AGO3: variants seen among roughly 807,000 people sequenced by gnomAD.
The protein encoded by AGO3 is argonaute RISC catalytic component 3.
In AGO3, 16 loss-of-function variants were observed where a neutral mutation model predicts 105.5. The ratio of observed to expected loss-of-function variants is 0.15; its 90% confidence interval spans 0.10 to 0.23. The LOEUF (loss-of-function observed/expected upper bound fraction) is 0.23, where lower values mean the gene tolerates loss of function less well. AGO3 is among the 10% of genes least tolerant of loss of function. The probability of loss-of-function intolerance (pLI) is 1.00; values close to 1 mark genes in which losing one functional copy is unlikely to be tolerated. For missense variants in AGO3, 534 were observed against 1,088.0 expected, an observed-to-expected ratio of 0.49 and a Z score of 7.16; for synonymous variants, 340 against 367.3, an observed-to-expected ratio of 0.93 and a Z score of 0.85.
chr1:36,038,551 G>A (rs1253651500), intron 14 of AGO3, among the ~76,000 whole-genome samples: 4 of 152,136 alleles, frequency 2.6e-5, no homozygotes, highest in African/African-American at 7.2e-5. Context: ...TACCGTGCCC[G>A]GCCTGGATTT....
intron 14 of AGO3, 97 bp downstream of exon 14, chr1:36,036,364 A>T: frequency 8.6e-7 from 1 of 1,167,186 alleles, no homozygotes; most frequent in Non-Finnish European, 1.3e-6. Context: ...TTTGTAGCCA[A>T]CTTTCATAAA....
At chr1:35,979,251 CT>C (rs1647006716) in intron 5 of AGO3, among the ~76,000 whole-genome samples, 1 of 152,014 alleles carries the variant, frequency 6.6e-6, no homozygotes, top group African/African-American at 2.4e-5. Context: ...GTAGTCCCAG[CT>C]ACTTGGGAGG....
chr1:36,019,065 G>T (rs1454487788), intron 11 of AGO3, among the ~76,000 whole-genome samples: 2 of 152,066 alleles, frequency 1.3e-5, no homozygotes, highest in African/African-American at 2.4e-5. Flanking sequence ...CTGCAGTGTG[G>T]GTGACAAGGG....
At chr1:35,971,613 A>T (rs576116993) in intron 3 of AGO3, among the ~76,000 whole-genome samples, 6 of 151,918 alleles carry the variant, frequency 3.9e-5, no homozygotes, top group Admixed American at 3.9e-4. Context: ...TTTCTGGTTC[A>T]TGCTTCCTGT....
intron 12 of AGO3, among the ~76,000 whole-genome samples, chr1:36,031,049 C>A (rs1186278329): frequency 6.6e-6 from 1 of 152,184 alleles, no homozygotes; most frequent in African/African-American, 2.4e-5. Context: ...CTACCCAATA[C>A]ACTGTTGCTA....
At chr1:35,997,408 A>G (rs904825039) in intron 5 of AGO3, among the ~76,000 whole-genome samples, 1 of 152,226 alleles carries the variant, frequency 6.6e-6, no homozygotes, top group Non-Finnish European at 1.5e-5. Context: ...GTATGTCTTC[A>G]GTAGAAATTG....
chr1:35,952,683 C>T (rs1166242809), intron 2 of AGO3, among the ~76,000 whole-genome samples: 7 of 152,084 alleles, frequency 4.6e-5, no homozygotes, highest in Non-Finnish European at 7.4e-5. Context: ...CAGTTGCCTA[C>T]AGTATTCAGT....
At chr1:36,041,316 G>A (rs1288419749) in intron 16 of AGO3, among the ~76,000 whole-genome samples, 2 of 136,162 alleles carry the variant, frequency 1.5e-5, no homozygotes, top group South Asian at 2.3e-4. Flanking sequence ...ATCTCAGCTC[G>A]CTGCAAGCTC....
At position 36,044,174 on chromosome 1, in the gene AGO3, G is replaced by A. The variant is rs139506627; in HGVS notation, c.2274+626G>A. Reference sequence around the variant, plus strand: ...AGCCTGGGCAACATAGAGAAACCCCGTCTCTACAAAAAATATAAAAATTAG... The same window carrying A: ...AGCCTGGGCAACATAGAGAAACCCCATCTCTACAAAAAATATAAAAATTAG... On this transcript the variant is annotated intron_variant, in intron 17 of 18. Transcript: ENST00000373191. Among the ~76,000 whole-genome samples the A allele has an allele frequency of 8.2e-3, 1,250 of 152,022 alleles. 12 individuals carry two copies. The highest frequency in any genetic ancestry group is 0.028 in the African/African-American group (1,173 of 41,468).
At position 36,059,973 on chromosome 1, in the gene AGO3, C is replaced by G. The variant is rs1416526771; in HGVS notation, c.*4228C>G. 6.6e-6 allele frequency: 1 copy of G among 152,098 alleles called. No homozygotes were observed. The highest frequency in any genetic ancestry group is 1.5e-5 in the Non-Finnish European group (1 of 68,014). The allele number at this position is 152,098 out of a possible 1,614,324, so 9.4% of individuals were successfully genotyped here. Reference sequence around the variant, plus strand: ...CACATTTCAACAGAAATATTAGATTCCCTTTCTTTTTCTTAATAGTGATCT... The same window carrying G: ...CACATTTCAACAGAAATATTAGATTGCCTTTCTTTTTCTTAATAGTGATCT... On this transcript the variant is annotated 3_prime_UTR_variant, in exon 19 of 19. Coordinates refer to ENST00000373191, the MANE Select transcript of AGO3 (RefSeq NM_024852.4).
intron 16 of AGO3, among the ~76,000 whole-genome samples, chr1:36,041,578 A>G (rs1401183843): frequency 2.0e-5 from 3 of 152,156 alleles, no homozygotes; most frequent in African/African-American, 7.2e-5. Context: ...GCAAGACAGC[A>G]GTCTTACTGT....
intron 12 of AGO3, among the ~76,000 whole-genome samples, chr1:36,030,082 CAAAT>C (rs1280271102): frequency 1.3e-5 from 2 of 151,922 alleles, no homozygotes; most frequent in African/African-American, 4.8e-5. Flanking sequence ...AAACAATAAA[CAAAT>C]AGTTTATTAT....
intron 1 of AGO3, among the ~76,000 whole-genome samples, chr1:35,943,034 G>A (rs181242991): frequency 1.4e-4 from 21 of 151,202 alleles, no homozygotes; most frequent in African/African-American, 4.6e-4. Flanking sequence ...ACGGAGTCTC[G>A]CTCTGTCACC....
intron 9 of AGO3, among the ~76,000 whole-genome samples, chr1:36,010,979 A>G (rs991001959): frequency 6.6e-6 from 1 of 152,050 alleles, no homozygotes; most frequent in Non-Finnish European, 1.5e-5. Context: ...AAGAAAAGAA[A>G]GAAAGGAAAT....
rs549557635 is a variant in AGO3, at chr1:35,996,323, T to TA, written c.659-8003dup. On this transcript the variant is annotated intron_variant, in intron 5 of 18. Transcript: ENST00000373191. Reference sequence around the variant, plus strand: ...GGCAACAGAGCAAGACTCTGACTCTTAAAAAAAAAAAAAAATGAAAACACA... The same window carrying TA: ...GGCAACAGAGCAAGACTCTGACTCTTAAAAAAAAAAAAAAAATGAAAACACA... Among the ~76,000 whole-genome samples, 576 of 134,916 alleles carry TA rather than the reference T, an allele frequency of 4.3e-3. 3 individuals carry two copies. The highest frequency in any genetic ancestry group is 0.011 in the African/African-American group (382 of 36,346). The allele number at this position is 134,916 out of a possible 152,430, so 88.5% of individuals were successfully genotyped here.
At chr1:36,033,715 A>G (rs1196342515) in intron 12 of AGO3, among the ~76,000 whole-genome samples, 1 of 152,060 alleles carries the variant, frequency 6.6e-6, no homozygotes, top group Admixed American at 6.6e-5. Flanking sequence ...GGAAAGGAAC[A>G]GGGGACTTTT....
chr1:35,960,159 A>G (rs1262002342), intron 2 of AGO3, among the ~76,000 whole-genome samples: 3 of 152,172 alleles, frequency 2.0e-5, no homozygotes, highest in Admixed American at 6.5e-5. Context: ...CTTTGCTACT[A>G]TAGCTGACTA....
At chr1:35,970,356 T>C (rs948404066) in intron 3 of AGO3, among the ~76,000 whole-genome samples, 2 of 152,220 alleles carry the variant, frequency 1.3e-5, no homozygotes, top group African/African-American at 4.8e-5. Flanking sequence ...AGTCCGTGCC[T>C]CATGGGATTC....
intron 5 of AGO3, among the ~76,000 whole-genome samples, chr1:35,989,598 G>T (rs1392688426): frequency 2.6e-5 from 4 of 152,156 alleles, no homozygotes; most frequent in Non-Finnish European, 5.9e-5. Context: ...TAGTGGCTGG[G>T]CATGGTAGCT....
Sources: gnomAD v4.1 joint callset for allele counts (sites outside exome capture counted in the v4.1 genomes callset) on GRCh38, gnomAD v4.1.1 for gene constraint, MANE v1.5 for transcripts, NCBI Gene and HGNC (gene_info 2026-07-23, HGNC 2026-07-21) for gene names.